NCOR2: variants seen among roughly 807,000 people sequenced by gnomAD.
NCOR2 encodes the protein CTG repeat protein 26.
NCOR2 carries 81 observed loss-of-function variants against 262.9 expected under a neutral mutation model. The observed-to-expected ratio is 0.31, with a 90% CI of 0.26 to 0.37. The LOEUF (loss-of-function observed/expected upper bound fraction) is 0.37. Ranked by LOEUF, NCOR2 falls within the 10% of genes least tolerant of loss-of-function variation. The pLI is 1.00. For synonymous variants in NCOR2, 1,659 were observed against 1,559.3 expected, an observed-to-expected ratio of 1.06 and a Z score of -1.51; for missense variants, 3,385 against 3,621.4, an observed-to-expected ratio of 0.93 and a Z score of 1.68.
At chr12:124,370,229 C>T (rs149652211) in intron 20 of NCOR2, among the ~76,000 whole-genome samples, 82 of 152,356 alleles carry the variant, frequency 5.4e-4, no homozygotes, top group African/African-American at 1.8e-3. Flanking sequence ...CCCTCAGAAA[C>T]CCGCAGGCCA....
chr12:124,367,400 G>A lies in NCOR2; in HGVS notation c.2808-3601C>T, dbSNP rs867912408. Among the ~76,000 whole-genome samples the A allele has an allele frequency of 5.2e-4, 79 of 152,296 alleles. No homozygotes were observed. The Middle Eastern group carries it at 0.054, about 105-fold the overall frequency. ...CAGCCAGAGCTCTCTCATGGGTAAA[G>A]AAGGCAGCAGCCAGCACAAGGGCTG... On this transcript the variant is annotated intron_variant, in intron 20 of 46. Coordinates refer to ENST00000405201, the Ensembl canonical transcript of NCOR2.
At chr12:124,420,511 A>G (rs1417125845) in intron 12 of NCOR2, among the ~76,000 whole-genome samples, 1 of 152,018 alleles carries the variant, frequency 6.6e-6, no homozygotes, top group African/African-American at 2.4e-5. Flanking sequence ...CTTCCCTGAT[A>G]TTTGAGGTCC....
chr12:124,499,430 G>A (rs1021233702), upstream of NCOR2, among the ~76,000 whole-genome samples: 2 of 152,268 alleles, frequency 1.3e-5, no homozygotes, highest in African/African-American at 2.4e-5. Flanking sequence ...GAGGGTCTCA[G>A]GCCAGGGGCT....
chr12:124,335,160 A>G, exon 40 of NCOR2: 1 of 1,611,952 alleles, frequency 6.2e-7, no homozygotes, highest in Non-Finnish European at 8.5e-7. Flanking sequence ...CAGGGTGACC[A>G]CCCGCTGGTG....
rs186221800 is a variant in NCOR2 at position 124,516,089 on chromosome 12, G to T, written c.-118+19476C>A. ...CCCCGCCTTCGGAGGCCATTCTCGA[G>T]GTCCCAGGAGAGGCCCCATGACAAT... On this transcript the variant is annotated intron_variant, in intron 1 of 46. Transcript: ENST00000404621. 3.5e-3 allele frequency among the ~76,000 whole-genome samples: 538 copies of T among 152,326 alleles called. 2 individuals carry two copies. The highest frequency in any genetic ancestry group is 0.012 in the African/African-American group (486 of 41,570).
chr12:124,446,105 G>A (rs572287204), intron 7 of NCOR2, among the ~76,000 whole-genome samples: 6 of 152,308 alleles, frequency 3.9e-5, no homozygotes, highest in Non-Finnish European at 5.9e-5. Flanking sequence ...TAGCATGAGC[G>A]GTCACAAAAC....
intron 8 of NCOR2, 124 bp from the exon 11 acceptor site, chr12:124,430,911 C>T: frequency 8.6e-7 from 1 of 1,160,514 alleles, no homozygotes; most frequent in Admixed American, 2.5e-5. Flanking sequence ...GTCACACAGG[C>T]ACACACATAT....
chr12:124,554,388 C>T (rs781291009), intron 1 of NCOR2, among the ~76,000 whole-genome samples: 42 of 151,976 alleles, frequency 2.8e-4, no homozygotes, highest in South Asian at 1.5e-3. Flanking sequence ...AGCCTCCCAC[C>T]ACCCAGCTGG....
intron 45 of NCOR2, 151 bp downstream of exon 47, chr12:124,327,258 G>A: frequency 1.5e-6 from 1 of 682,702 alleles, no homozygotes; most frequent in Non-Finnish European, 2.4e-6. Context: ...CTTCAGATTA[G>A]CAAACTCCAG....
chr12:124,392,057 C>G (rs1565902738), intron 16 of NCOR2, among the ~76,000 whole-genome samples: 1 of 152,206 alleles, frequency 6.6e-6, no homozygotes, highest in Non-Finnish European at 1.5e-5. Flanking sequence ...TGTACACACG[C>G]GTGTGGAGGG....
chr12:124,384,909 G>C (rs189320696), intron 17 of NCOR2, among the ~76,000 whole-genome samples: 1 of 152,126 alleles, frequency 6.6e-6, no homozygotes, highest in Non-Finnish European at 1.5e-5. Flanking sequence ...GATGAAGAGC[G>C]TGGGTGCTGA....
chr12:124,508,992 G>A (rs11837423), intron 1 of NCOR2, among the ~76,000 whole-genome samples: 15,182 of 152,028 alleles, frequency 0.1, 879 homozygotes, highest in African/African-American at 0.17. Flanking sequence ...GTGACTCATC[G>A]GCGCCACCTG....
At chr12:124,416,362 T>C (rs530841662) in intron 13 of NCOR2, among the ~76,000 whole-genome samples, 3 of 152,330 alleles carry the variant, frequency 2.0e-5, no homozygotes, top group African/African-American at 7.2e-5. Flanking sequence ...CCCCCTGCTG[T>C]TCCTGAAGAC....
intron 2 of NCOR2, among the ~76,000 whole-genome samples, chr12:124,484,710 G>A (rs150104647): frequency 2.6e-5 from 4 of 152,234 alleles, no homozygotes; most frequent in Admixed American, 6.5e-5. Flanking sequence ...TGCAGATGGC[G>A]CCTCCTTGTC....
At chr12:124,347,779 T>G in intron 30 of NCOR2, 46 bp downstream of exon 32, 1 of 1,545,226 alleles carries the variant, frequency 6.5e-7, no homozygotes, top group Non-Finnish European at 8.8e-7. Context: ...CCTGCGTGAC[T>G]GTACACCCGT....
At chr12:124,335,601 C>A in exon 39 of NCOR2, 2 of 1,606,250 alleles carry the variant, frequency 1.2e-6, no homozygotes, top group Non-Finnish European at 1.7e-6. Context: ...CGGGCTCCAC[C>A]CCTTCGGGGC....
intron 42 of NCOR2, 146 bp downstream of exon 44, chr12:124,332,984 G>A (rs902063240): frequency 1.8e-6 from 2 of 1,120,582 alleles, no homozygotes; most frequent in East Asian, 2.6e-5. Flanking sequence ...CCCCAAGTTG[G>A]TGAAACCTGC....
chr12:124,482,639 G>T lies in NCOR2; in HGVS notation c.411+957C>A, dbSNP rs1258190341. ...GGCACAAAGGCAGCACAGCTGTGGA[G>T]GTGGGGGTGGTGGAAATCGCACCTG... On this transcript the variant is annotated intron_variant, in intron 3 of 46. Transcript: ENST00000405201. The surrounding 1 kb of genome is among the most constrained non-coding windows in gnomAD (Gnocchi z 6.3). Among the ~76,000 whole-genome samples, 1 of 152,224 alleles carries T rather than the reference G, an allele frequency of 6.6e-6. No homozygotes were observed. The highest frequency in any genetic ancestry group is 2.4e-5 in the African/African-American group (1 of 41,460).
At chr12:124,540,484 G>A (rs530443768), upstream of NCOR2, among the ~76,000 whole-genome samples, 3 of 12,998 alleles carry the variant, frequency 2.3e-4, no homozygotes, top group African/African-American at 9.3e-4. Flanking sequence ...GGGGGATGGG[G>A]AGTGGAGCTG....
Sources: allele counts gnomAD v4.1 joint callset (sites outside exome capture counted in the v4.1 genomes callset), GRCh38; gene constraint gnomAD v4.1.1; non-coding constraint Gnocchi (gnomAD v3.1); transcripts MANE v1.5; gene names NCBI Gene and HGNC (gene_info 2026-07-23, HGNC 2026-07-21).